The following MICU1 variants were observed in gnomAD, a reference collection of about 807,000 sequenced individuals.
MICU1 encodes calcium uptake protein 1, mitochondrial.
MICU1 carries 45 observed loss-of-function variants against 56.8 expected under a neutral mutation model. The ratio of observed to expected loss-of-function variants is 0.79; its 90% CI spans 0.62 to 1.02. The LOEUF (loss-of-function observed/expected upper bound fraction) is 1.02, where lower values mean the gene tolerates loss of function less well. Among genes scored for constraint, MICU1 ranks in the 50% least tolerant of loss-of-function variants. MICU1 has a pLI of 0.00. For missense variants in MICU1, 504 were observed against 587.1 expected (o/e 0.86, Z 1.46); for synonymous variants, 186 against 195.1 (o/e 0.95, Z 0.39).
intron 3 of MICU1, among the ~76,000 whole-genome samples, chr10:72,557,413 C>T (rs1840185573): frequency 6.6e-6 from 1 of 152,170 alleles, no homozygotes; most frequent in South Asian, 2.1e-4. Flanking sequence ...GTTCAAATTA[C>T]TCCCATTCAC....
intron 8 of MICU1, among the ~76,000 whole-genome samples, chr10:72,462,234 T>G (rs1211932882): frequency 6.6e-6 from 1 of 151,090 alleles, no homozygotes. Context: ...TTTTTTTTTT[T>G]GAGCCAGGGT....
intron 10 of MICU1, among the ~76,000 whole-genome samples, chr10:72,406,256 A>G (rs1187740042): frequency 6.6e-6 from 1 of 152,164 alleles, no homozygotes; most frequent in African/African-American, 2.4e-5. Context: ...TAAAATACTT[A>G]AGCACAAATT....
chr10:72,421,598 AG>A (rs1332578960), intron 9 of MICU1, among the ~76,000 whole-genome samples: 2 of 152,088 alleles, frequency 1.3e-5, no homozygotes, highest in African/African-American at 4.8e-5. Flanking sequence ...TCCTTGTACC[AG>A]GGGCAGCTGG....
At chr10:72,394,618 T>C (rs1447497663) in intron 10 of MICU1, among the ~76,000 whole-genome samples, 2 of 149,388 alleles carry the variant, frequency 1.3e-5, no homozygotes, top group African/African-American at 2.5e-5. Flanking sequence ...AAAGACTCTG[T>C]CTCAAAAAGA....
At chr10:72,422,535 T>C (rs1261781270) in intron 9 of MICU1, among the ~76,000 whole-genome samples, 1 of 152,088 alleles carries the variant, frequency 6.6e-6, no homozygotes, top group Non-Finnish European at 1.5e-5. Flanking sequence ...GCCTTCCAAC[T>C]AGACTACTCT....
intron 10 of MICU1, among the ~76,000 whole-genome samples, chr10:72,381,112 T>C (rs376427735): frequency 3.5e-4 from 54 of 152,192 alleles, no homozygotes; most frequent in African/African-American, 1.2e-3. Flanking sequence ...GATGCACAGA[T>C]ACAGCTTTAG....
intron 11 of MICU1, among the ~76,000 whole-genome samples, chr10:72,368,968 G>A (rs558662274): frequency 6.6e-6 from 1 of 152,236 alleles, no homozygotes; most frequent in East Asian, 1.9e-4. Context: ...GCAGGTGCAT[G>A]GGAAGTAAAC....
chr10:72,563,033 G>A lies in MICU1; in HGVS notation c.192C>T (p.Asp64=). ...TATCACCGATGTCACTTTTTAGGTT[G>A]TCTACACATGGTGGAGATTCTGCAT... ...RAHAESPPCV[D]NLKSDIGDKG... Residue 64 remains aspartate, a synonymous_variant, in exon 3 of 12, where the codon GAC becomes GAT. Transcript: ENST00000361114. 5 of 1,591,416 alleles carry A rather than the reference G, an allele frequency of 3.1e-6. No homozygotes were observed. Among genetic ancestry groups the A allele is most frequent in the Non-Finnish European group, 4.3e-6 (5 of 1,170,932 alleles).
At chr10:72,395,461 G>C (rs1863218882) in intron 10 of MICU1, among the ~76,000 whole-genome samples, 2 of 152,210 alleles carry the variant, frequency 1.3e-5, no homozygotes, top group African/African-American at 4.8e-5. Context: ...CGGAGAGTGA[G>C]TCGAAGCAGG....
In MICU1 at chr10:72,609,762, G is replaced by A. The variant is rs575814939; in HGVS notation, c.-2+16248C>T. On this transcript the variant is annotated intron_variant, in intron 1 of 11. Coordinates refer to ENST00000361114, the MANE Select transcript of MICU1 (RefSeq NM_001195518.2). ...AAAAAAAAAAAAATGGTGGCCGGGC[G>A]TGGTGGCTCACGTCTGTAATTCCAG... Among the ~76,000 whole-genome samples, 13 of 148,380 alleles carry A rather than the reference G, an allele frequency of 8.8e-5. No individual in the cohort carries two copies. In the South Asian group the frequency reaches 1.9e-3, roughly 22 times the overall value.
rs572898818 is a variant in MICU1, at chr10:72,537,636, C to A, written c.494-3847G>T. ...TTTTATTGATAAGAAAGCCAAGGCT[C>A]AGAAGGTTAAATGACTGTTTTTTTA... On this transcript the variant is annotated intron_variant, in intron 4 of 11. Transcript: ENST00000361114. 5.8e-4 allele frequency among the ~76,000 whole-genome samples: 88 copies of A among 152,296 alleles called. 1 individual carries two copies. The Middle Eastern group carries it at 0.017, about 30-fold the overall frequency.
At chr10:72,531,453 C>T (rs957254225) in intron 5 of MICU1, 2 of 152,124 alleles carry the variant, frequency 1.3e-5, no homozygotes, top group African/African-American at 4.8e-5. Flanking sequence ...ATGATGGTGG[C>T]TCATACCTGT....
chr10:72,533,770 A>C lies in MICU1; in HGVS notation c.513T>G (p.Tyr171Ter). 6.2e-7 allele frequency: 1 copy of C among 1,601,704 alleles called. No homozygotes were observed. ...KQPEHLGLDQ[Y>*]IIKRFDGKKI... ...CCTTTCCATCAAAGCGTTTTATTATATATTGATCCAGACCCAAGTCTGTAA... is the reference window on the plus strand; with the variant it reads ...CCTTTCCATCAAAGCGTTTTATTATCTATTGATCCAGACCCAAGTCTGTAA... The change falls in exon 5 of 12, where the codon TAT becomes TAG. Residue 171 changes from tyrosine to a stop codon, truncating the protein, a stop_gained. Transcript: ENST00000361114. LOFTEE classifies it high-confidence loss of function.
intron 8 of MICU1, among the ~76,000 whole-genome samples, chr10:72,449,439 T>C (rs530690488): frequency 9.6e-4 from 146 of 152,138 alleles, no homozygotes; most frequent in African/African-American, 3.3e-3. Flanking sequence ...GGTCTCACTA[T>C]GTTGCCCAGG....
intron 8 of MICU1, among the ~76,000 whole-genome samples, chr10:72,452,872 C>T (rs1435647068): frequency 6.6e-6 from 1 of 152,184 alleles, no homozygotes; most frequent in Non-Finnish European, 1.5e-5. Flanking sequence ...GGATCTGCCC[C>T]GTCGAGTCCT....
intron 10 of MICU1, among the ~76,000 whole-genome samples, chr10:72,389,793 C>T (rs1435284171): frequency 6.6e-6 from 1 of 152,184 alleles, no homozygotes; most frequent in Non-Finnish European, 1.5e-5. Context: ...CTGAAGCTCA[C>T]TCTAGAGCTC....
At chr10:72,566,025 A>G (rs184213592) in intron 2 of MICU1, among the ~76,000 whole-genome samples, 140 of 150,516 alleles carry the variant, frequency 9.3e-4, no homozygotes, top group African/African-American at 2.8e-3. Flanking sequence ...GAAGTCTCAG[A>G]AAGCATTCAT....
intron 8 of MICU1, among the ~76,000 whole-genome samples, chr10:72,465,503 C>CTTTTTT (rs10586216): frequency 1.7e-5 from 1 of 57,748 alleles, no homozygotes; most frequent in African/African-American, 4.8e-5. Flanking sequence ...CTGTTCAGGT[C>CTTTTTT]TTTTTTTTTT....
chr10:72,486,497 A>C (rs557651386), intron 6 of MICU1, among the ~76,000 whole-genome samples: 1 of 152,258 alleles, frequency 6.6e-6, no homozygotes, highest in Admixed American at 6.5e-5. Context: ...TTTGAGACAG[A>C]GTTTCATTCT....
Sources: gnomAD v4.1 joint callset for allele counts (sites outside exome capture counted in the v4.1 genomes callset) on GRCh38, gnomAD v4.1.1 for gene constraint, MANE v1.5 for transcripts, NCBI Gene and HGNC (gene_info 2026-07-23, HGNC 2026-07-21) for gene names.